The following PDPK1 variants were observed in gnomAD, a reference collection of about 807,000 sequenced individuals.
The protein encoded by PDPK1 is 3-phosphoinositide dependent protein kinase 1.
In PDPK1, 7 loss-of-function variants were observed where a neutral mutation model predicts 39.8. The ratio of observed to expected loss-of-function variants is 0.18; its 90% CI spans 0.10 to 0.33. The LOEUF is 0.33. Among genes scored for constraint, PDPK1 ranks in the 10% least tolerant of loss-of-function variants. The pLI, the probability that PDPK1 is intolerant of heterozygous loss-of-function variation, is 1.00. For synonymous variants in PDPK1, 118 were observed against 159.1 expected, an observed-to-expected ratio of 0.74 and a Z score of 1.95; for missense variants, 182 against 384.7, an observed-to-expected ratio of 0.47 and a Z score of 4.41.
chr16:2,586,720 G>C lies in PDPK1; in HGVS notation c.1170G>C (p.Ser390=), dbSNP rs377095764. The part of the protein sequence containing the change: ...LSQFGCMQVS[S]SSSSHSLSAS... ...AGTTTGGCTGCATGCAGGTGTCTTC[G>C]TCCTCCTCCTCACACTCCCTGTCAG... Residue 390 remains serine, a synonymous_variant, in exon 11 of 14, where the codon TCG becomes TCC. Transcript: ENST00000342085. 6 of 1,614,094 alleles carry C rather than the reference G, an allele frequency of 3.7e-6. No individual in the cohort carries two copies. In the African/African-American group the frequency reaches 5.3e-5, roughly 14 times the overall value.
At chr16:2,545,061 G>T (rs2066315288) in intron 1 of PDPK1, among the ~76,000 whole-genome samples, 1 of 145,362 alleles carries the variant, frequency 6.9e-6, no homozygotes, top group Non-Finnish European at 1.5e-5. Context: ...TTTTGAGATG[G>T]AATCTCGTGC....
rs148940066 is a variant in PDPK1 at position 2,597,476 on chromosome 16, G to C, written c.1555-175G>C. On this transcript the variant is annotated intron_variant, in intron 13 of 13. Coordinates refer to ENST00000342085, the MANE Select transcript of PDPK1 (RefSeq NM_002613.5). This position sits in a 1 kb window ranked among gnomAD's most constrained non-coding sequence, Gnocchi z 6.3. Reference sequence around the variant, plus strand: ...CCCTGTGCTTGTTTTTCAGTTTGGTGGTGACTGGGGGTGGTGGTCATCAGC... The same window carrying C: ...CCCTGTGCTTGTTTTTCAGTTTGGTCGTGACTGGGGGTGGTGGTCATCAGC... Among the ~76,000 whole-genome samples the C allele has an allele frequency of 1.9e-3, 290 of 152,304 alleles. 1 individual carries two copies. The highest frequency in any genetic ancestry group is 6.6e-3 in the African/African-American group (274 of 41,556).
intron 2 of PDPK1, among the ~76,000 whole-genome samples, chr16:2,560,904 G>GC (rs1273386313): frequency 2.2e-4 from 33 of 150,746 alleles, no homozygotes; most frequent in Admixed American, 1.4e-3. Flanking sequence ...AGGGCAGGAG[G>GC]CCTGCTGCAT....
At chr16:2,594,839 C>G (rs2067067070) in intron 11 of PDPK1, among the ~76,000 whole-genome samples, 2 of 151,994 alleles carry the variant, frequency 1.3e-5, no homozygotes, top group Non-Finnish European at 2.9e-5. Context: ...AAAAATTAGC[C>G]TGGCGGGCAC....
At chr16:2,545,848 C>A (rs770927874) in intron 1 of PDPK1, among the ~76,000 whole-genome samples, 2 of 152,086 alleles carry the variant, frequency 1.3e-5, no homozygotes, top group Admixed American at 6.6e-5. Flanking sequence ...CTTTGTTGCC[C>A]AGGCTGGTCT....
rs1357298574 is a variant in PDPK1 at position 2,538,112 on chromosome 16, C to G, written c.-1C>G. The stretch of plus-strand genomic sequence containing the variant: ...GAGGCGCCCGCGCCGACGCGGGGCC[C>G]ATGGCCAGGACCACCAGCCAGCTGG... On this transcript the variant is annotated 5_prime_UTR_variant, in exon 1 of 14. Transcript: ENST00000342085. 1.0e-5 allele frequency: 11 copies of G among 1,064,922 alleles called. No homozygotes were observed. The highest frequency in any genetic ancestry group is 1.2e-5 in the Non-Finnish European group (11 of 880,668). The allele number at this position is 1,064,922 out of a possible 1,614,324, so 66.0% of individuals were successfully genotyped here.
intron 1 of PDPK1, among the ~76,000 whole-genome samples, chr16:2,545,153 C>T (rs553044417): frequency 2.6e-5 from 4 of 151,338 alleles, no homozygotes; most frequent in Non-Finnish European, 5.9e-5. Context: ...TCTCCTGCCT[C>T]TGCCTCCCAA....
chr16:2,602,074 G>C lies in PDPK1; in HGVS notation c.*4307G>C, dbSNP rs3095103. ...CTGGCTGGTTGACAGACCCGGGGTGGTCACTGCTGAGACTTCAGAGATCGC... is the reference window on the plus strand; with the variant it reads ...CTGGCTGGTTGACAGACCCGGGGTGCTCACTGCTGAGACTTCAGAGATCGC... On this transcript the variant is annotated 3_prime_UTR_variant, in exon 14 of 14. Coordinates refer to ENST00000342085, the MANE Select transcript of PDPK1 (RefSeq NM_002613.5). The C allele has an allele frequency of 6.1e-3, 1,427 of 234,414 alleles. 7 individuals are homozygous for C. The highest frequency in any genetic ancestry group is 0.015 in the African/African-American group (664 of 45,326). 14.5% of individuals were successfully genotyped at this position (234,414 alleles called of 1,614,324 possible).
At position 2,539,078 on chromosome 16, in the gene PDPK1, C is replaced by CTTT. The variant is rs57517702; in HGVS notation, c.24+960_24+962dup. ...TGATCCCGTGTCTTCCAGGATGCGGCTTTTTTTTTTTTTTTTTTTTGATGG... is the reference window on the plus strand; with the variant it reads ...TGATCCCGTGTCTTCCAGGATGCGGCTTTTTTTTTTTTTTTTTTTTTTTGATGG... On this transcript the variant is annotated intron_variant, in intron 1 of 13. Coordinates refer to ENST00000342085, the MANE Select transcript of PDPK1 (RefSeq NM_002613.5). 750 of 146,254 alleles carry CTTT rather than the reference C, an allele frequency of 5.1e-3. 15 individuals carry two copies. Among genetic ancestry groups the CTTT allele is most frequent in the African/African-American group, 0.016 (494 of 30,100 alleles). 9.1% of individuals were successfully genotyped at this position (146,254 alleles called of 1,614,324 possible).
Position 2,586,868 on chromosome 16 carries a change from G to T in PDPK1, c.1318G>T (p.Glu440Ter), listed in dbSNP as rs142153837. Reference sequence around the variant, plus strand: ...CGAAGATGAGAAGAGGTTGTTGTTGGAGAAGCAGGCTGGCGGAAACCCTTG... The same window carrying T: ...CGAAGATGAGAAGAGGTTGTTGTTGTAGAAGCAGGCTGGCGGAAACCCTTG... Reference protein sequence around the residue: ...FSEDEKRLLLEKQAGGNPWHQ... With the variant: ...FSEDEKRLLL Residue 440 changes from glutamate to a stop codon, truncating the protein, a stop_gained, in exon 11 of 14, where the codon GAG (glutamate) becomes TAG (stop). Transcript: ENST00000342085. LOFTEE classifies it high-confidence loss of function. 2.8e-5 allele frequency: 45 copies of T among 1,614,120 alleles called. No homozygotes were observed. The highest frequency in any genetic ancestry group is 6.7e-5 in the Admixed American group (4 of 60,016).
intron 6 of PDPK1, chr16:2,577,198 C>T: frequency 1.7e-6 from 1 of 593,850 alleles, no homozygotes; most frequent in Non-Finnish European, 3.0e-6. Flanking sequence ...CGTTTGTGTG[C>T]AGCTCACTGT....
In PDPK1 at chr16:2,601,533, A is replaced by G. The variant is rs889227965; in HGVS notation, c.*3766A>G. ...ATCTGCACAGTCAGCAGAGATAACA[A>G]GTGTTGAACTGACCTTGCCACATGC... On this transcript the variant is annotated 3_prime_UTR_variant, in exon 14 of 14. Transcript: ENST00000342085. The G allele has an allele frequency of 4.3e-5, 10 of 234,440 alleles. No individual in the cohort carries two copies. The highest frequency in any genetic ancestry group is 1.8e-4 in the African/African-American group (8 of 45,312). 14.5% of individuals were successfully genotyped at this position (234,440 alleles called of 1,614,324 possible). A position where few individuals can be genotyped will look rare whatever the true frequency, so the allele number is the denominator to read the frequency against.
rs2067126147 is a variant in PDPK1, at chr16:2,597,430, G to C, written c.1554+155G>C. Among the ~76,000 whole-genome samples the C allele has an allele frequency of 6.6e-6, 1 of 152,224 alleles. No homozygotes were observed. Among genetic ancestry groups the C allele is most frequent in the South Asian group, 2.1e-4 (1 of 4,836 alleles). On this transcript the variant is annotated intron_variant, in intron 13 of 13. Coordinates refer to ENST00000342085, the MANE Select transcript of PDPK1 (RefSeq NM_002613.5). The surrounding 1 kb of genome is among the most constrained non-coding windows in gnomAD (Gnocchi z 6.3). Reference sequence around the variant, plus strand: ...CCCAGACGCCCACACTAGTGGCTCAGTCCTGAGGGGGCAGGGGACACCCTG... The same window carrying C: ...CCCAGACGCCCACACTAGTGGCTCACTCCTGAGGGGGCAGGGGACACCCTG...
chr16:2,538,421 G>A (rs2066177922), intron 1 of PDPK1: 1 of 400,522 alleles, frequency 2.5e-6, no homozygotes, highest in Non-Finnish European at 5.0e-6. Context: ...CCAGCGGGGT[G>A]GAAGTGCCTG....
intron 1 of PDPK1, among the ~76,000 whole-genome samples, chr16:2,540,523 C>T (rs1299400709): frequency 2.6e-5 from 4 of 152,174 alleles, no homozygotes; most frequent in Non-Finnish European, 5.9e-5. Flanking sequence ...GTCTGCCGGG[C>T]AGCTCAGCCC....
chr16:2,596,473 C>A (rs1296522247), intron 12 of PDPK1, among the ~76,000 whole-genome samples: 3 of 152,218 alleles, frequency 2.0e-5, no homozygotes, highest in Non-Finnish European at 4.4e-5. Flanking sequence ...GGATTACAGG[C>A]GTGAGCCACG....
intron 11 of PDPK1, 61 bp downstream of exon 11, chr16:2,586,954 C>T: frequency 6.9e-7 from 1 of 1,444,986 alleles, no homozygotes; most frequent in Admixed American, 1.7e-5. Flanking sequence ...CACGTGGGGG[C>T]TTATGGTGGG....
Position 2,597,375 on chromosome 16 carries a change from T to G in PDPK1, c.1554+100T>G. ...CCTTGGCCAGAGGGAGCAGCGGGGA[T>G]CGGGGCAGCTGCCTCGCCCTTTCCG... On this transcript the variant is annotated intron_variant, in intron 13 of 13. Transcript: ENST00000342085. This position sits in a 1 kb window ranked among gnomAD's most constrained non-coding sequence, Gnocchi z 6.3. 2.7e-6 allele frequency: 3 copies of G among 1,096,200 alleles called. No homozygotes were observed. The highest frequency in any genetic ancestry group is 4.0e-6 in the Non-Finnish European group (3 of 751,898). 67.9% of individuals were successfully genotyped at this position (1,096,200 alleles called of 1,614,324 possible).
chr16:2,599,164 C>T lies in PDPK1; in HGVS notation c.*1397C>T, dbSNP rs2067163106. 4.3e-6 allele frequency: 1 copy of T among 233,424 alleles called. No individual in the cohort carries two copies. The highest frequency in any genetic ancestry group is 8.5e-6 in the Non-Finnish European group (1 of 118,142). 14.5% of individuals were successfully genotyped at this position (233,424 alleles called of 1,614,324 possible). A position where few individuals can be genotyped will look rare whatever the true frequency, so the allele number is the denominator to read the frequency against. The stretch of plus-strand genomic sequence containing the variant: ...GTAGAGAGTGCTCCTGGTGGCCTGG[C>T]AGGTCTGGGCCCTTCTCTCCCTGCC... On this transcript the variant is annotated 3_prime_UTR_variant, in exon 14 of 14. Transcript: ENST00000342085.
Sources: allele counts gnomAD v4.1 joint callset (sites outside exome capture counted in the v4.1 genomes callset), GRCh38; gene constraint gnomAD v4.1.1; non-coding constraint Gnocchi (gnomAD v3.1); transcripts MANE v1.5; gene names NCBI Gene and HGNC (gene_info 2026-07-23, HGNC 2026-07-21).